Variants in CSMD1 observed in about 807,000 individuals in gnomAD.
CSMD1 encodes CUB and Sushi multiple domains 1.
In CSMD1, 213 loss-of-function variants were observed where a neutral mutation model predicts 417.5. The ratio of observed to expected loss-of-function variants is 0.51; its 90% CI spans 0.46 to 0.57. The LOEUF (loss-of-function observed/expected upper bound fraction) is 0.57, where lower values mean the gene tolerates loss of function less well. Among genes scored for constraint, CSMD1 ranks in the 20% least tolerant of loss-of-function variants. The pLI, the probability that CSMD1 is intolerant of heterozygous loss-of-function variation, is 0.00. For missense variants in CSMD1, 6,923 were observed against 4,529.7 expected (o/e 1.53, Z -15.17); for synonymous variants, 2,862 against 1,736.8 (o/e 1.65, Z -16.11).
chr8:4,260,696 C>G (rs1038837861), intron 3 of CSMD1, among the ~76,000 whole-genome samples: 1 of 152,206 alleles, frequency 6.6e-6, no homozygotes, highest in Non-Finnish European at 1.5e-5. Context: ...CCAAAATTCC[C>G]ATGTCGTTGG....
chr8:4,708,063 C>A (rs968110802), intron 1 of CSMD1, among the ~76,000 whole-genome samples: 2 of 152,126 alleles, frequency 1.3e-5, no homozygotes, highest in African/African-American at 4.8e-5. Flanking sequence ...ACTACCTCAG[C>A]CTCTGCAGTA....
At chr8:4,714,911 C>A (rs942586026) in intron 1 of CSMD1, among the ~76,000 whole-genome samples, 2 of 152,142 alleles carry the variant, frequency 1.3e-5, no homozygotes, top group African/African-American at 2.4e-5. Flanking sequence ...TGACTATGAT[C>A]CATAGCAGAC....
intron 2 of CSMD1, among the ~76,000 whole-genome samples, chr8:4,522,165 G>C (rs561512098): frequency 1.3e-5 from 2 of 152,076 alleles, no homozygotes; most frequent in South Asian, 2.1e-4. Flanking sequence ...GGCTGTTCTC[G>C]TGATAGTGAA....
At chr8:3,892,369 C>T (rs999654248) in intron 5 of CSMD1, among the ~76,000 whole-genome samples, 3 of 152,018 alleles carry the variant, frequency 2.0e-5, no homozygotes, top group South Asian at 4.1e-4. Flanking sequence ...ACGTATTATG[C>T]TTTCTATGTG....
At chr8:3,272,966 A>G (rs921001096) in intron 26 of CSMD1, among the ~76,000 whole-genome samples, 10 of 150,140 alleles carry the variant, frequency 6.7e-5, no homozygotes, top group East Asian at 2.0e-4. Flanking sequence ...TTCCAACACT[A>G]TGTTGAATAG....
At chr8:3,662,704 C>A (rs560605286) in intron 7 of CSMD1, among the ~76,000 whole-genome samples, 2 of 152,202 alleles carry the variant, frequency 1.3e-5, no homozygotes, top group South Asian at 4.2e-4. Context: ...ATGGATGAAG[C>A]TGGAAGCCAT....
chr8:4,298,026 G>T (rs574017200), intron 3 of CSMD1, among the ~76,000 whole-genome samples: 1 of 152,108 alleles, frequency 6.6e-6, no homozygotes, highest in Non-Finnish European at 1.5e-5. Context: ...TCAATAAATT[G>T]ATTTTATATT....
chr8:3,290,236 A>G (rs1295527222), intron 25 of CSMD1, among the ~76,000 whole-genome samples: 1 of 147,216 alleles, frequency 6.8e-6, no homozygotes, highest in Non-Finnish European at 1.5e-5. Flanking sequence ...GTAGCCTTGT[A>G]GTGTAGTATG....
intron 23 of CSMD1, among the ~76,000 whole-genome samples, chr8:3,311,976 G>C (rs1234012741): frequency 1.3e-5 from 2 of 152,118 alleles, no homozygotes; most frequent in South Asian, 4.2e-4. Flanking sequence ...ATCAAAAAAG[G>C]TTAACAAAGT....
intron 1 of CSMD1, among the ~76,000 whole-genome samples, chr8:4,941,002 G>A (rs942739426): frequency 4.6e-5 from 7 of 151,534 alleles, no homozygotes; most frequent in South Asian, 2.1e-4. Flanking sequence ...AAGAAAGAGC[G>A]ATTAATTTTG....
At chr8:4,656,940 G>C (rs146009272) in intron 1 of CSMD1, among the ~76,000 whole-genome samples, 2 of 152,182 alleles carry the variant, frequency 1.3e-5, no homozygotes, top group African/African-American at 2.4e-5. Flanking sequence ...AAAGGTGTTT[G>C]TCTTTGCATC....
At chr8:4,112,044 G>A (rs572544207) in intron 3 of CSMD1, among the ~76,000 whole-genome samples, 1 of 151,472 alleles carries the variant, frequency 6.6e-6, no homozygotes. Flanking sequence ...TCTACTTTAT[G>A]TTAACATTTG....
At chr8:3,503,265 T>G (rs1796683217) in intron 10 of CSMD1, among the ~76,000 whole-genome samples, 1 of 152,238 alleles carries the variant, frequency 6.6e-6, no homozygotes, top group South Asian at 2.1e-4. Flanking sequence ...TCTGAGATGT[T>G]TAGCCCCACA....
intron 3 of CSMD1, among the ~76,000 whole-genome samples, chr8:4,416,181 C>T (rs780950026): frequency 1.6e-4 from 24 of 152,076 alleles, no homozygotes; most frequent in Non-Finnish European, 3.1e-4. Flanking sequence ...TTAATAAATA[C>T]CGGAGTCACT....
At chr8:3,512,160 T>G (rs1414911485) in intron 10 of CSMD1, among the ~76,000 whole-genome samples, 1 of 152,216 alleles carries the variant, frequency 6.6e-6, no homozygotes, top group Non-Finnish European at 1.5e-5. Flanking sequence ...AACATGTCCT[T>G]GGCAGAATTT....
intron 10 of CSMD1, among the ~76,000 whole-genome samples, chr8:3,499,457 C>G (rs1044284285): frequency 2.6e-5 from 4 of 151,960 alleles, no homozygotes; most frequent in African/African-American, 9.7e-5. Context: ...TCCTTGGGTC[C>G]CTGGGGAGCA....
intron 54 of CSMD1, among the ~76,000 whole-genome samples, chr8:2,990,910 G>A (rs914294380): frequency 5.9e-5 from 9 of 152,290 alleles, no homozygotes; most frequent in African/African-American, 9.6e-5. Context: ...CCAGGGAAGC[G>A]CAGAACTGCT....
At chr8:3,134,714 A>G (rs1198679144) in intron 41 of CSMD1, among the ~76,000 whole-genome samples, 1 of 152,298 alleles carries the variant, frequency 6.6e-6, no homozygotes, top group African/African-American at 2.4e-5. Flanking sequence ...CTGAAATACA[A>G]TAGCTTGGCT....
At chr8:3,259,297 G>T (rs1340441023) in intron 26 of CSMD1, among the ~76,000 whole-genome samples, 1 of 152,174 alleles carries the variant, frequency 6.6e-6, no homozygotes, top group East Asian at 1.9e-4. Context: ...AAAACTCATG[G>T]ATTTCTAGTT....
Sources: gnomAD v4.1 joint callset for allele counts (sites outside exome capture counted in the v4.1 genomes callset) on GRCh38, gnomAD v4.1.1 for gene constraint, MANE v1.5 for transcripts, NCBI Gene and HGNC (gene_info 2026-07-23, HGNC 2026-07-21) for gene names.